Variants in GON4L observed in about 807,000 individuals in gnomAD.
The protein encoded by GON4L is GON-4-like protein.
In GON4L, 87 loss-of-function variants were observed where a neutral mutation model predicts 211.8. The ratio of observed to expected loss-of-function variants is 0.41; its 90% CI spans 0.35 to 0.49. The LOEUF is 0.49. GON4L is among the 20% of genes least tolerant of loss of function. The pLI, the probability that GON4L is intolerant of heterozygous loss-of-function variation, is 0.15. For missense variants in GON4L, 2,155 were observed against 2,659.5 expected (o/e 0.81, Z 4.17); for synonymous variants, 875 against 962.6 (o/e 0.91, Z 1.68).
At chr1:155,855,480 C>T (rs958889535) in intron 1 of GON4L, among the ~76,000 whole-genome samples, 4 of 152,112 alleles carry the variant, frequency 2.6e-5, no homozygotes, top group African/African-American at 9.7e-5. Context: ...CCTCAGCCTC[C>T]CAAGTCATTG....
chr1:155,837,522 C>A (rs907070439), intron 2 of GON4L, among the ~76,000 whole-genome samples: 1 of 152,098 alleles, frequency 6.6e-6, no homozygotes, highest in Admixed American at 6.6e-5. Flanking sequence ...GTCCCTGGGA[C>A]AGTCCCAAGG....
intron 20 of GON4L, 61 bp from the exon 21 acceptor site, chr1:155,766,770 G>A: frequency 1.2e-6 from 2 of 1,607,410 alleles, no homozygotes; most frequent in Non-Finnish European, 1.7e-6. Context: ...AAGAGGCTTG[G>A]CACAGTGGCT....
At chr1:155,827,570 A>G (rs565364574) in intron 2 of GON4L, among the ~76,000 whole-genome samples, 18 of 152,070 alleles carry the variant, frequency 1.2e-4, no homozygotes, top group African/African-American at 4.3e-4. Context: ...TTGTAGTCCT[A>G]GTTACTTGGG....
In GON4L at chr1:155,760,454, G is replaced by A. The variant is rs1386238502; in HGVS notation, c.5099C>T (p.Ala1700Val). The change falls in exon 24 of 32, where the codon GCC (alanine) becomes GTC (valine). Residue 1700 changes from alanine (A) to valine (V), a missense_variant. Physicochemically the swap from Ala to Val is moderately conservative, Grantham distance 64. Around this residue, in one of 6 missense-constraint regions of GON4L, gnomAD observed 455 missense variants for 504.6 expected, o/e 0.90. Transcript: ENST00000368331. ...AAFLLPEQAL[A>V]CGLFEEQQAF... is the part of the protein sequence containing the mutation. The stretch of plus-strand genomic sequence containing the variant: ...TCCCCATTCACTTACTAATCCACAG[G>A]CCAGAGCTTGCTCAGGTAACAGGAA... The A allele has an allele frequency of 7.5e-6, 12 of 1,605,718 alleles. No homozygotes were observed. The highest frequency in any genetic ancestry group is 9.4e-6 in the Non-Finnish European group (11 of 1,173,234).
chr1:155,828,945 G>C (rs1472925586), intron 2 of GON4L, among the ~76,000 whole-genome samples: 1 of 152,002 alleles, frequency 6.6e-6, no homozygotes, highest in East Asian at 1.9e-4. Context: ...TGGGGAGCAA[G>C]AGTACAAAGT....
chr1:155,745,589 C>T (rs1173352910), downstream of GON4L, among the ~76,000 whole-genome samples: 9 of 152,248 alleles, frequency 5.9e-5, no homozygotes, highest in African/African-American at 1.9e-4. Context: ...CAGCGTGGAG[C>T]AGGAGCAACG....
intron 11 of GON4L, among the ~76,000 whole-genome samples, chr1:155,797,316 T>C (rs1666162065): frequency 6.6e-6 from 1 of 151,796 alleles, no homozygotes; most frequent in Non-Finnish European, 1.5e-5. Flanking sequence ...CGTTTCACCA[T>C]GTTGGTCAGG....
intron 4 of GON4L, 114 bp from the exon 5 acceptor site, chr1:155,821,662 G>T: frequency 2.8e-6 from 2 of 717,112 alleles, no homozygotes; most frequent in Non-Finnish European, 5.1e-6. Flanking sequence ...CCATATACTC[G>T]AATAGCATCA....
At chr1:155,769,417 T>C (rs1662934944) in intron 19 of GON4L, among the ~76,000 whole-genome samples, 1 of 152,144 alleles carries the variant, frequency 6.6e-6, no homozygotes, top group Non-Finnish European at 1.5e-5. Context: ...CAAAAAGAAT[T>C]CCCAGGATGA....
chr1:155,838,225 A>G (rs1319644880), intron 2 of GON4L, among the ~76,000 whole-genome samples: 3 of 152,134 alleles, frequency 2.0e-5, no homozygotes, highest in Non-Finnish European at 4.4e-5. Context: ...ATGCCACTGC[A>G]CTCCAGCCTG....
Position 155,850,991 on chromosome 1 carries a change from T to C in GON4L, c.505+2285A>G, listed in dbSNP as rs181552527. Among the ~76,000 whole-genome samples the C allele has an allele frequency of 3.9e-3, 555 of 140,614 alleles. 6 individuals are homozygous for C. The highest frequency in any genetic ancestry group is 0.014 in the African/African-American group (530 of 37,354). The allele number at this position is 140,614 out of a possible 152,430, so 92.2% of individuals were successfully genotyped here. The stretch of plus-strand genomic sequence containing the variant: ...ATTGCTTGAACCTGGGAGGCGGAGG[T>C]TGCAGTGAGATGAGATCGTGCCACT... On this transcript the variant is annotated intron_variant, in intron 2 of 31. Coordinates refer to ENST00000368331, the MANE Select transcript of GON4L (RefSeq NM_001282860.2).
rs745893649 is a variant in GON4L, at chr1:155,767,458, C to T, written c.2730G>A (p.Glu910=). Residue 910 remains glutamate, a synonymous_variant, in exon 20 of 32, where the codon GAG becomes GAA. Transcript: ENST00000368331. ...IQPHQWKPPI[E]REEHRLPFWL... is the part of the protein sequence containing the mutation. ...AGAATGGGAGCCGGTGTTCTTCTCT[C>T]TCTATAGGTGGCTTCCACTGATGTG... 1.9e-6 allele frequency: 3 copies of T among 1,613,310 alleles called. No individual in the cohort carries two copies. The highest frequency in any genetic ancestry group is 2.7e-5 in the African/African-American group (2 of 74,876).
chr1:155,846,092 G>C (rs954916958), intron 2 of GON4L: 1 of 228,004 alleles, frequency 4.4e-6, no homozygotes, highest in Non-Finnish European at 9.9e-6. Context: ...TAGCCTATAG[G>C]AGTTTGTCAA....
intron 2 of GON4L, among the ~76,000 whole-genome samples, chr1:155,852,224 C>A (rs1372950035): frequency 6.6e-6 from 1 of 150,860 alleles, no homozygotes; most frequent in Non-Finnish European, 1.5e-5. Context: ...AACCATGTCA[C>A]CATCCTTTTC....
intron 6 of GON4L, among the ~76,000 whole-genome samples, chr1:155,820,080 A>C (rs1240030294): frequency 4.6e-5 from 7 of 152,010 alleles, no homozygotes; most frequent in African/African-American, 1.4e-4. Context: ...CACCCAGCTA[A>C]TTTTTGTATT....
Position 155,766,394 on chromosome 1 carries a change from G to T in GON4L, c.3079C>A (p.His1027Asn), listed in dbSNP as rs1662482473. Residue 1027 changes from histidine to asparagine, a missense_variant, in exon 21 of 32, where the codon CAT becomes AAT. Transcript: ENST00000368331. ...NPGKTPARST[H>N]SEAPPSKMVL... ...ATTTTGCTCGGAGGGGCTTCTGAAT[G>T]AGTTGATCGGGCTGGTGTTTTCCCA... 1 of 1,614,172 alleles carries T rather than the reference G, an allele frequency of 6.2e-7. No individual in the cohort carries two copies. The highest frequency in any genetic ancestry group is 8.5e-7 in the Non-Finnish European group (1 of 1,180,034).
Position 155,766,141 on chromosome 1 carries a change from C to T in GON4L, c.3332G>A (p.Arg1111Gln), listed in dbSNP as rs141380782. ...MLPSLAPSKF[R>Q]KPYVRRRPSK... ...GGGTCTCCGTCTCACATATGGCTTT[C>T]GAAACTTAGAAGGGGCAAGGGAGGG... is the stretch of plus-strand genomic sequence containing the variant. The change falls in exon 21 of 32, where the codon CGA (arginine) becomes CAA (glutamine). Residue 1111 changes from arginine to glutamine, a missense_variant. Physicochemically the swap from Arg to Gln is conservative, Grantham distance 43 (BLOSUM62 1). Transcript: ENST00000368331. 1.8e-5 allele frequency: 29 copies of T among 1,614,050 alleles called. No homozygotes were observed. The highest frequency in any genetic ancestry group is 1.7e-4 in the Middle Eastern group (1 of 6,060).
At chr1:155,845,467 C>T in intron 2 of GON4L, 1 of 348,558 alleles carries the variant, frequency 2.9e-6, no homozygotes, top group Non-Finnish European at 5.7e-6. Flanking sequence ...AGGTTGGAAA[C>T]CAGAAATGCA....
intron 19 of GON4L, among the ~76,000 whole-genome samples, chr1:155,768,091 T>C (rs2101765795): frequency 6.6e-6 from 1 of 151,966 alleles, no homozygotes; most frequent in Non-Finnish European, 1.5e-5. Context: ...TTACCTAAGG[T>C]CAGGAGTTCA....
Sources: allele counts gnomAD v4.1 joint callset (sites outside exome capture counted in the v4.1 genomes callset), GRCh38; gene constraint gnomAD v4.1.1; regional missense constraint gnomAD v4.1.1; transcripts MANE v1.5; gene names NCBI Gene and HGNC (gene_info 2026-07-23, HGNC 2026-07-21).